The following LRP6 variants were observed in gnomAD, a reference collection of about 807,000 sequenced individuals.
LRP6 encodes LDL receptor related protein 6.
LRP6 carries 43 observed loss-of-function variants against 184.1 expected under a neutral mutation model. The observed-to-expected ratio is 0.23, with a 90% CI of 0.18 to 0.30. LRP6 has a LOEUF of 0.30. Among genes scored for constraint, LRP6 ranks in the 10% least tolerant of loss-of-function variants. The pLI, the probability that LRP6 is intolerant of heterozygous loss-of-function variation, is 1.00. For missense variants in LRP6, 1,571 were observed against 2,005.3 expected (o/e 0.78, Z 4.14); for synonymous variants, 719 against 684.9 (o/e 1.05, Z -0.78).
At chr12:12,226,860 AAG>A (rs1413662056) in intron 2 of LRP6, 4 of 152,302 alleles carry the variant, frequency 2.6e-5, no homozygotes, top group African/African-American at 9.6e-5. Context: ...AGAATACAGA[AAG>A]AGAAAATATT....
intron 17 of LRP6, among the ~76,000 whole-genome samples, chr12:12,133,567 A>C (rs141483420): frequency 6.6e-6 from 1 of 152,116 alleles, no homozygotes; most frequent in Non-Finnish European, 1.5e-5. Context: ...CTTTTTCTTT[A>C]TAAGTTACCC....
intron 21 of LRP6, among the ~76,000 whole-genome samples, chr12:12,124,882 G>A (rs1949652381): frequency 1.3e-5 from 2 of 152,196 alleles, no homozygotes; most frequent in South Asian, 2.1e-4. Flanking sequence ...TGACAAAAAC[G>A]AAAATCTGTA....
intron 1 of LRP6, among the ~76,000 whole-genome samples, chr12:12,257,968 CAA>C (rs1172116150): frequency 1.7e-4 from 11 of 65,248 alleles, no homozygotes; most frequent in Admixed American, 5.1e-4. Context: ...GACCCTGTCT[CAA>C]AAAAAAAAAA....
At chr12:12,157,074 G>A (rs1228398820) in intron 12 of LRP6, among the ~76,000 whole-genome samples, 1 of 152,228 alleles carries the variant, frequency 6.6e-6, no homozygotes, top group Non-Finnish European at 1.5e-5. Flanking sequence ...CAAAGCCTAT[G>A]AGAGAAAGCT....
At chr12:12,221,553 A>C (rs981242403) in intron 2 of LRP6, among the ~76,000 whole-genome samples, 5 of 152,220 alleles carry the variant, frequency 3.3e-5, no homozygotes, top group Non-Finnish European at 5.9e-5. Flanking sequence ...TTTATTTTAA[A>C]ATATCCATTA....
At chr12:12,151,072 A>T in intron 12 of LRP6, 34 bp from the exon 13 acceptor site, 1 of 1,522,184 alleles carries the variant, frequency 6.6e-7, no homozygotes, top group Non-Finnish European at 9.1e-7. Context: ...TCTGAAATCT[A>T]GTTACCCTAC....
intron 15 of LRP6, among the ~76,000 whole-genome samples, chr12:12,143,378 A>G (rs1333039546): frequency 6.6e-6 from 1 of 152,212 alleles, no homozygotes; most frequent in East Asian, 1.9e-4. Context: ...ACATCTTAGT[A>G]TGTGATTTTT....
At chr12:12,157,577 A>C (rs1262944918) in intron 12 of LRP6, among the ~76,000 whole-genome samples, 2 of 152,190 alleles carry the variant, frequency 1.3e-5, no homozygotes, top group Non-Finnish European at 2.9e-5. Context: ...TAACCTCTTA[A>C]TCATTCCACT....
In LRP6 at chr12:12,164,479, T is replaced by C. The variant is rs201504354; in HGVS notation, c.1846A>G (p.Ile616Val). The C allele has an allele frequency of 2.6e-5, 42 of 1,613,998 alleles. No individual in the cohort carries two copies. The highest frequency in any genetic ancestry group is 1.3e-4 in the African/African-American group (10 of 74,904). ...RPQGLRCACP[I>V]GFELISDMKT... is the part of the protein sequence containing the mutation. ...ATGTCACTGATGAGTTCAAAGCCAA[T>C]AGGGCAAGCACAGCGAAGGCCCTGA... is the stretch of plus-strand genomic sequence containing the variant. The change falls in exon 9 of 23, where the codon ATT becomes GTT. Residue 616 changes from isoleucine to valine, a missense_variant. Coordinates refer to ENST00000261349, the MANE Select transcript of LRP6 (RefSeq NM_002336.3).
At chr12:12,125,788 C>G (rs931601659) in intron 20 of LRP6, among the ~76,000 whole-genome samples, 1 of 152,140 alleles carries the variant, frequency 6.6e-6, no homozygotes, top group Non-Finnish European at 1.5e-5. Context: ...AAATACCAGA[C>G]TTGCTCAAAA....
chr12:12,170,795 A>T (rs1337695793), intron 7 of LRP6, among the ~76,000 whole-genome samples: 4 of 67,592 alleles, frequency 5.9e-5, no homozygotes, highest in Admixed American at 1.5e-4. Context: ...ATTACTTCAC[A>T]CACACACACA....
intron 11 of LRP6, 121 bp downstream of exon 11, chr12:12,159,659 G>T: frequency 1.1e-6 from 1 of 906,942 alleles, no homozygotes; most frequent in Non-Finnish European, 1.7e-6. Flanking sequence ...TTCCAGAACA[G>T]AAGAAGAATG....
chr12:12,155,322 A>G (rs1338550338), intron 12 of LRP6: 14 of 757,750 alleles, frequency 1.8e-5, no homozygotes, highest in Non-Finnish European at 2.9e-5. Flanking sequence ...GCCTTTTAGA[A>G]AGCATGGAGT....
chr12:12,161,900 A>G (rs1862750288), intron 10 of LRP6, among the ~76,000 whole-genome samples: 1 of 152,242 alleles, frequency 6.6e-6, no homozygotes, highest in South Asian at 2.1e-4. Flanking sequence ...CTACAGATGG[A>G]TAATACCTCT....
intron 7 of LRP6, among the ~76,000 whole-genome samples, chr12:12,173,392 G>C (rs1244107424): frequency 6.6e-6 from 1 of 152,194 alleles, no homozygotes; most frequent in Non-Finnish European, 1.5e-5. Flanking sequence ...GCCCAAGCTA[G>C]AGTTCAGTGG....
At chr12:12,134,749 G>A (rs1376938142) in intron 17 of LRP6, among the ~76,000 whole-genome samples, 1 of 152,082 alleles carries the variant, frequency 6.6e-6, no homozygotes, top group African/African-American at 2.4e-5. Flanking sequence ...TTTGGGAGAG[G>A]GGGGAGGCTA....
At chr12:12,261,342 G>C (rs1292429392) in intron 1 of LRP6, among the ~76,000 whole-genome samples, 2 of 151,034 alleles carry the variant, frequency 1.3e-5, no homozygotes, top group Non-Finnish European at 2.9e-5. Context: ...GGCGGAGCTT[G>C]TAGTGAGCTG....
Position 12,119,136 on chromosome 12 carries a change from A to G in LRP6, c.*1990T>C, listed in dbSNP as rs549124072. On this transcript the variant is annotated 3_prime_UTR_variant, in exon 23 of 23. Coordinates refer to ENST00000261349, the MANE Select transcript of LRP6 (RefSeq NM_002336.3). ...GTTTTAGGATTCTGATAGATTTACC[A>G]TTTGCTTATATGCAAAATCAAGTGC... 1 of 152,276 alleles carries G rather than the reference A, an allele frequency of 6.6e-6. No homozygotes were observed. The highest frequency in any genetic ancestry group is 2.1e-4 in the South Asian group (1 of 4,826). 9.4% of individuals were successfully genotyped at this position (152,276 alleles called of 1,614,324 possible).
At chr12:12,249,671 AGAAGGAAGGAAGGAAG>A (rs3053796) in intron 1 of LRP6, among the ~76,000 whole-genome samples, 15,203 of 141,456 alleles carry the variant, frequency 0.11, 945 homozygotes, top group East Asian at 0.14. Context: ...GTGCTATAAC[AGAAGGAAGGAAGGAAG>A]GAAGGAAGGA....
Sources: allele counts gnomAD v4.1 joint callset (sites outside exome capture counted in the v4.1 genomes callset), GRCh38; gene constraint gnomAD v4.1.1; transcripts MANE v1.5; gene names NCBI Gene and HGNC (gene_info 2026-07-23, HGNC 2026-07-21).